Variants in CPSF7 observed in about 807,000 individuals in gnomAD.
CPSF7 encodes cleavage and polyadenylation specific factor 7.
CPSF7 carries 1 observed loss-of-function variant against 44.3 expected under a neutral mutation model. The observed-to-expected ratio is 0.02, with a 90% CI of 0.01 to 0.11. The LOEUF (loss-of-function observed/expected upper bound fraction) is 0.11. Ranked by LOEUF, CPSF7 falls within the 10% of genes least tolerant of loss-of-function variation. The probability of loss-of-function intolerance (pLI) is 1.00; values close to 1 mark genes in which losing one functional copy is unlikely to be tolerated. For synonymous variants in CPSF7, 202 were observed against 222.0 expected, an observed-to-expected ratio of 0.91 and a Z score of 0.80; for missense variants, 443 against 607.2, an observed-to-expected ratio of 0.73 and a Z score of 2.84.
At chr11:61,429,872 C>T (rs992357017) in intron 1 of CPSF7, 42 bp downstream of exon 1, 2 of 1,534,884 alleles carry the variant, frequency 1.3e-6, no homozygotes, top group East Asian at 2.5e-5. Context: ...GCCCGGACCC[C>T]TCTTCCGGCC....
Position 61,420,034 on chromosome 11 carries a change from T to C in CPSF7, c.438A>G (p.Pro146=), listed in dbSNP as rs1308898570. Residue 146 remains proline (P), a synonymous_variant, in exon 5 of 10, where the codon CCA becomes CCG. Transcript: ENST00000439958. ...CTTTTTCTCCATTAAGAACTTTCCC[T>C]GGTAGGAGTTCCAACAATTTGTGGA... ...NSVHKLLELL[P]GKVLNGEKVD... The C allele has an allele frequency of 2.5e-6, 4 of 1,613,986 alleles. No homozygotes were observed. The highest frequency in any genetic ancestry group is 3.4e-6 in the Non-Finnish European group (4 of 1,179,950).
chr11:61,418,641 G>A (rs1860562735), intron 5 of CPSF7, among the ~76,000 whole-genome samples: 1 of 152,098 alleles, frequency 6.6e-6, no homozygotes, highest in South Asian at 2.1e-4. Context: ...GGCTTAGTGA[G>A]TACAGTCAGA....
chr11:61,415,979 T>C, intron 6 of CPSF7, 126 bp downstream of exon 6: 2 of 992,252 alleles, frequency 2.0e-6, no homozygotes, highest in Admixed American at 2.6e-5. Context: ...CAGGAGTCAA[T>C]GCTATGATAA....
Position 61,404,380 on chromosome 11 carries a change from G to A in CPSF7, c.*330C>T, listed in dbSNP as rs1327635458. 2 of 152,600 alleles carry A rather than the reference G, an allele frequency of 1.3e-5. No homozygotes were observed. The highest frequency in any genetic ancestry group is 6.5e-5 in the Admixed American group (1 of 15,280). 9.5% of individuals were successfully genotyped at this position (152,600 alleles called of 1,614,324 possible). On this transcript the variant is annotated 3_prime_UTR_variant, in exon 10 of 10. Transcript: ENST00000439958. ...CAACCTCACCATTGAACGGCTCCCG[G>A]AGAATCAGAAACTCATACGTTTTCT...
At chr11:61,428,270 T>A (rs941964029) in intron 2 of CPSF7, among the ~76,000 whole-genome samples, 5 of 152,200 alleles carry the variant, frequency 3.3e-5, no homozygotes, top group African/African-American at 7.2e-5. Flanking sequence ...CAGCCTTGAA[T>A]TCCTGGGCTC....
chr11:61,423,875 A>C (rs982782458), intron 2 of CPSF7, among the ~76,000 whole-genome samples: 5 of 152,374 alleles, frequency 3.3e-5, no homozygotes, highest in Admixed American at 3.3e-4. Context: ...TCTGAAGTAC[A>C]GTGGAAGAAA....
At chr11:61,406,459 G>A (rs1382639054) in intron 9 of CPSF7, among the ~76,000 whole-genome samples, 1 of 152,190 alleles carries the variant, frequency 6.6e-6, no homozygotes, top group Non-Finnish European at 1.5e-5. Flanking sequence ...CACTACAGAT[G>A]GAATTAAGAG....
chr11:61,411,131 C>T (rs965323501), intron 8 of CPSF7, 26 bp from the exon 9 acceptor site: 5 of 1,579,720 alleles, frequency 3.2e-6, no homozygotes, highest in African/African-American at 1.4e-5. Context: ...TTCAGCCTCA[C>T]TCAGAAGGCC....
intron 1 of CPSF7, 167 bp downstream of exon 1, chr11:61,429,747 C>G: frequency 1.3e-6 from 2 of 1,545,732 alleles, no homozygotes; most frequent in Non-Finnish European, 1.7e-6. Flanking sequence ...CCCGCTCCCT[C>G]CCGACAAACC....
At chr11:61,411,387 C>T (rs1009541912) in intron 8 of CPSF7, among the ~76,000 whole-genome samples, 2 of 152,136 alleles carry the variant, frequency 1.3e-5, no homozygotes, top group African/African-American at 4.8e-5. Flanking sequence ...TAAATACTAT[C>T]AGTGTCCCTT....
intron 7 of CPSF7, 101 bp downstream of exon 7, chr11:61,415,565 C>T (rs537170909): frequency 8.9e-6 from 7 of 785,080 alleles, no homozygotes; most frequent in Non-Finnish European, 1.6e-5. Flanking sequence ...ATCTACAGTA[C>T]TCCAACTTTA....
At chr11:61,416,555 G>A in intron 5 of CPSF7, 36 bp from the exon 6 acceptor site, 15 of 1,605,646 alleles carry the variant, frequency 9.3e-6, no homozygotes, top group Non-Finnish European at 1.3e-5. Context: ...TACTGCCCAG[G>A]CTTTACACAA....
At chr11:61,405,864 C>T (rs921635) in intron 9 of CPSF7, 128,319 of 152,112 alleles carry the variant, frequency 0.84, 54,328 homozygotes, top group East Asian at 0.98. Context: ...TAAACACCTA[C>T]GCAGGCTGGT....
rs1859017589 is a variant in CPSF7 at position 61,403,063 on chromosome 11, G to A, written c.*1647C>T. 1 of 152,218 alleles carries A rather than the reference G, an allele frequency of 6.6e-6. No homozygotes were observed. Among genetic ancestry groups the A allele is most frequent in the Non-Finnish European group, 1.5e-5 (1 of 68,002 alleles). The allele number at this position is 152,218 out of a possible 1,614,324, so 9.4% of individuals were successfully genotyped here. On this transcript the variant is annotated 3_prime_UTR_variant, in exon 10 of 10. Transcript: ENST00000439958. ...GTTGGGTGGGGTGCCATGTTCTGAA[G>A]TGGAGGTGGGGATGGGGTTGGGGGA...
In CPSF7 at chr11:61,408,229, T is replaced by C. The variant is rs545262545; in HGVS notation, c.*5+2709A>G. 3.1e-3 allele frequency among the ~76,000 whole-genome samples: 467 copies of C among 151,750 alleles called. 2 individuals are homozygous for C. The highest frequency in any genetic ancestry group is 0.011 in the African/African-American group (445 of 41,370). On this transcript the variant is annotated intron_variant, in intron 9 of 9. Coordinates refer to ENST00000439958, the MANE Select transcript of CPSF7 (RefSeq NM_001142565.3). ...CTGCCACCATGCCCGGCTAATTTTTTTGTGTGTATTTTTAGTAGAGATGGG... is the reference window on the plus strand; with the variant it reads ...CTGCCACCATGCCCGGCTAATTTTTCTGTGTGTATTTTTAGTAGAGATGGG...
chr11:61,428,324 A>G (rs903864025), intron 2 of CPSF7, among the ~76,000 whole-genome samples: 38 of 152,072 alleles, frequency 2.5e-4, no homozygotes, highest in African/African-American at 9.2e-4. Context: ...ATGGGACTAC[A>G]GGCACAAGCC....
At chr11:61,416,909 G>A (rs1232983619) in intron 5 of CPSF7, among the ~76,000 whole-genome samples, 6 of 152,120 alleles carry the variant, frequency 3.9e-5, no homozygotes, top group Non-Finnish European at 7.4e-5. Flanking sequence ...ATCTCCTGAA[G>A]AGTTCAGGAC....
intron 2 of CPSF7, 105 bp downstream of exon 2, chr11:61,429,077 C>A: frequency 1.5e-6 from 1 of 662,652 alleles, no homozygotes. Context: ...CGGATAGACG[C>A]GTGTTCAAGC....
At chr11:61,417,829 G>A (rs573135044) in intron 5 of CPSF7, among the ~76,000 whole-genome samples, 3 of 152,318 alleles carry the variant, frequency 2.0e-5, no homozygotes, top group East Asian at 1.9e-4. Context: ...CCCAAAAGAC[G>A]CAACATTTCT....
Sources: allele counts gnomAD v4.1 joint callset (sites outside exome capture counted in the v4.1 genomes callset), GRCh38; gene constraint gnomAD v4.1.1; transcripts MANE v1.5; gene names NCBI Gene and HGNC (gene_info 2026-07-23, HGNC 2026-07-21).